Variants in CTNNA2 observed in about 807,000 individuals in gnomAD.
CTNNA2 encodes the protein catenin alpha-2.
In CTNNA2, 42 loss-of-function variants were observed where a neutral mutation model predicts 101.0. That is an observed-to-expected ratio of 0.42 (90% CI 0.32 to 0.54). The LOEUF (loss-of-function observed/expected upper bound fraction) is 0.54, where lower values mean the gene tolerates loss of function less well. Ranked by LOEUF, CTNNA2 falls within the 20% of genes least tolerant of loss-of-function variation. The pLI, the probability that CTNNA2 is intolerant of heterozygous loss-of-function variation, is 0.14. For missense variants in CTNNA2, 871 were observed against 1,223.1 expected (o/e 0.71, Z 4.29); for synonymous variants, 450 against 456.4 (o/e 0.99, Z 0.18).
intron 18 of CTNNA2, among the ~76,000 whole-genome samples, chr2:80,636,119 T>C (rs968922297): frequency 1.3e-5 from 2 of 152,036 alleles, no homozygotes; most frequent in African/African-American, 2.4e-5. Flanking sequence ...TTTATTTGGT[T>C]AGTAAATGTG....
At chr2:79,216,922 T>G (rs1287931154) in intron 2 of CTNNA2, among the ~76,000 whole-genome samples, 1 of 152,078 alleles carries the variant, frequency 6.6e-6, no homozygotes, top group Non-Finnish European at 1.5e-5. Flanking sequence ...GGGTAAATAA[T>G]CAGAGAGGCG....
At chr2:79,812,561 G>T (rs1383513540) in intron 3 of CTNNA2, among the ~76,000 whole-genome samples, 1 of 152,098 alleles carries the variant, frequency 6.6e-6, no homozygotes, top group Non-Finnish European at 1.5e-5. Flanking sequence ...TATTTTCTTT[G>T]CCCTAATATA....
At chr2:80,263,136 G>C (rs1672744456) in intron 7 of CTNNA2, among the ~76,000 whole-genome samples, 1 of 151,964 alleles carries the variant, frequency 6.6e-6, no homozygotes, top group African/African-American at 2.4e-5. Context: ...TGCTTAACTG[G>C]GTTTTTGGTC....
intron 6 of CTNNA2, among the ~76,000 whole-genome samples, chr2:79,890,660 T>C (rs962279132): frequency 3.3e-5 from 5 of 151,750 alleles, no homozygotes; most frequent in African/African-American, 1.2e-4. Context: ...AGTTTTGGCA[T>C]CTGTTTAAAA....
At chr2:79,290,532 C>G (rs1362005309) in intron 2 of CTNNA2, among the ~76,000 whole-genome samples, 1 of 152,092 alleles carries the variant, frequency 6.6e-6, no homozygotes, top group African/African-American at 2.4e-5. Context: ...ATAAAAACCC[C>G]AAGACCCTAG....
intron 7 of CTNNA2, among the ~76,000 whole-genome samples, chr2:79,926,601 T>A (rs1228409982): frequency 3.3e-5 from 5 of 151,956 alleles, no homozygotes; most frequent in Admixed American, 3.3e-4. Flanking sequence ...AAATGATAAT[T>A]AATGAACTTG....
intron 2 of CTNNA2, among the ~76,000 whole-genome samples, chr2:79,680,332 A>G (rs1346869527): frequency 1.3e-5 from 2 of 152,018 alleles, no homozygotes; most frequent in African/African-American, 4.8e-5. Context: ...AGTCCAGTCA[A>G]CAAAGGACAT....
At chr2:79,752,975 G>A (rs1191277628) in intron 3 of CTNNA2, among the ~76,000 whole-genome samples, 1 of 152,192 alleles carries the variant, frequency 6.6e-6, no homozygotes, top group Non-Finnish European at 1.5e-5. Flanking sequence ...AAAATGTTTT[G>A]TGGAAAAAGT....
At chr2:79,409,173 G>C (rs1203212021) in intron 4 of CTNNA2, among the ~76,000 whole-genome samples, 3 of 152,028 alleles carry the variant, frequency 2.0e-5, no homozygotes, top group African/African-American at 7.2e-5. Context: ...AAATTTGTTT[G>C]AGTTCATTGT....
chr2:80,017,163 G>A (rs558505790), intron 7 of CTNNA2, among the ~76,000 whole-genome samples: 3 of 152,092 alleles, frequency 2.0e-5, no homozygotes, highest in African/African-American at 7.2e-5. Context: ...TGCCTAGTGG[G>A]TAAGCCCCCT....
At chr2:80,017,589 A>ATC (rs1217486487) in intron 7 of CTNNA2, among the ~76,000 whole-genome samples, 1 of 151,916 alleles carries the variant, frequency 6.6e-6, no homozygotes, top group Non-Finnish European at 1.5e-5. Context: ...CCCCCAGATA[A>ATC]TCTTATTTAA....
intron 4 of CTNNA2, among the ~76,000 whole-genome samples, chr2:79,453,890 ATCACCAT>A: frequency 6.6e-6 from 1 of 152,210 alleles, no homozygotes; most frequent in African/African-American, 2.4e-5. Context: ...TGATCCCTAC[ATCACCAT>A]TCAAACCAAA....
At chr2:80,154,007 ATAC>A (rs1321742829) in intron 7 of CTNNA2, among the ~76,000 whole-genome samples, 1 of 152,206 alleles carries the variant, frequency 6.6e-6, no homozygotes, top group Non-Finnish European at 1.5e-5. Flanking sequence ...CAAGGAGAAA[ATAC>A]TAGTGTCTGT....
chr2:80,438,451 A>T (rs1309459610), intron 9 of CTNNA2, among the ~76,000 whole-genome samples: 1 of 150,310 alleles, frequency 6.7e-6, no homozygotes, highest in Non-Finnish European at 1.5e-5. Flanking sequence ...TTTGTTTTTG[A>T]GAGAAGGGAA....
rs565861634 is a variant in CTNNA2 at position 80,551,955 on chromosome 2, C to G, written c.1541-3738C>G. Among the ~76,000 whole-genome samples the G allele has an allele frequency of 8.5e-5, 13 of 152,238 alleles. No homozygotes were observed. In the East Asian group the frequency reaches 2.3e-3, roughly 27 times the overall value. On this transcript the variant is annotated intron_variant, in intron 11 of 18. Coordinates refer to ENST00000402739, the MANE Select transcript of CTNNA2 (RefSeq NM_001282597.3). ...GAGAAATGTGTGACCCTTCCTTTCACTTGAATACTTAAAGGTCATTGTAGG... is the reference window on the plus strand; with the variant it reads ...GAGAAATGTGTGACCCTTCCTTTCAGTTGAATACTTAAAGGTCATTGTAGG...
intron 9 of CTNNA2, among the ~76,000 whole-genome samples, chr2:80,537,841 A>C (rs185505174): frequency 6.6e-6 from 1 of 151,620 alleles, no homozygotes; most frequent in Non-Finnish European, 1.5e-5. Flanking sequence ...AATCCACTCA[A>C]CTCGGCCTCC....
At chr2:80,143,826 C>G (rs1459431558) in intron 7 of CTNNA2, among the ~76,000 whole-genome samples, 1 of 152,006 alleles carries the variant, frequency 6.6e-6, no homozygotes, top group Non-Finnish European at 1.5e-5. Flanking sequence ...ATTATTGTTC[C>G]AAAGACCCAG....
upstream of CTNNA2, among the ~76,000 whole-genome samples, chr2:79,509,799 T>G (rs1671496767): frequency 6.6e-6 from 1 of 152,214 alleles, no homozygotes; most frequent in African/African-American, 2.4e-5. Flanking sequence ...GTAACAAACA[T>G]GCTACTGTGG....
At chr2:80,074,849 A>G (rs1698573375) in intron 7 of CTNNA2, among the ~76,000 whole-genome samples, 1 of 152,140 alleles carries the variant, frequency 6.6e-6, no homozygotes, top group South Asian at 2.1e-4. Context: ...AAGCCTTACA[A>G]ATATCTTAGT....
Sources: allele counts gnomAD v4.1 joint callset (sites outside exome capture counted in the v4.1 genomes callset), GRCh38; gene constraint gnomAD v4.1.1; transcripts MANE v1.5; gene names NCBI Gene and HGNC (gene_info 2026-07-23, HGNC 2026-07-21).